The following AGMO variants were observed in gnomAD, a reference collection of about 807,000 sequenced individuals.
AGMO encodes the protein glyceryl-ether monooxygenase.
In AGMO, 75 loss-of-function variants were observed where a neutral mutation model predicts 60.2. The observed-to-expected ratio is 1.25, with a 90% CI of 1.03 to 1.51. The LOEUF is 1.51. AGMO is among the 40% of genes most tolerant of loss of function. The pLI, the probability that AGMO is intolerant of heterozygous loss-of-function variation, is 0.00. For missense variants in AGMO, 763 were observed against 525.5 expected, an observed-to-expected ratio of 1.45 and a Z score of -4.42; for synonymous variants, 261 against 177.1, an observed-to-expected ratio of 1.47 and a Z score of -3.76.
At chr7:15,206,945 C>T (rs1338407927) in intron 12 of AGMO, among the ~76,000 whole-genome samples, 2 of 152,096 alleles carry the variant, frequency 1.3e-5, no homozygotes, top group Admixed American at 1.3e-4. Flanking sequence ...TTAATTTACA[C>T]AACAAATGCA....
chr7:15,352,676 A>G (rs905944848), intron 12 of AGMO, among the ~76,000 whole-genome samples: 1 of 151,924 alleles, frequency 6.6e-6, no homozygotes, highest in African/African-American at 2.4e-5. Flanking sequence ...CAGCAAGCCC[A>G]TAATGAGTCC....
chr7:15,293,476 G>A lies in AGMO; in HGVS notation c.1263+72038C>T, dbSNP rs551763639. The stretch of plus-strand genomic sequence containing the variant: ...TTGCCTCCAGATGATCTCTGCATGC[G>A]TAATCCTAGTAAAGTTCAGATTACC... On this transcript the variant is annotated intron_variant, in intron 12 of 12. Transcript: ENST00000342526. Among the ~76,000 whole-genome samples, 41 of 152,156 alleles carry A rather than the reference G, an allele frequency of 2.7e-4. No individual in the cohort carries two copies. The South Asian group carries it at 7.1e-3, about 26-fold the overall frequency.
At chr7:15,130,403 C>T in the AGMO span, among the ~76,000 whole-genome samples, 1 of 152,026 alleles carries the variant, frequency 6.6e-6, no homozygotes, top group African/African-American at 2.4e-5. Context: ...CAGAACAAGA[C>T]ATTTTCTTGA....
the AGMO span, among the ~76,000 whole-genome samples, chr7:15,180,133 T>A: frequency 6.6e-6 from 1 of 152,288 alleles, no homozygotes; most frequent in South Asian, 2.1e-4. Flanking sequence ...TCCACAGTAA[T>A]CTCTTTAGCA....
chr7:15,285,443 G>GA (rs1784075253), intron 12 of AGMO, among the ~76,000 whole-genome samples: 1 of 151,936 alleles, frequency 6.6e-6, no homozygotes, highest in African/African-American at 2.4e-5. Context: ...ATCAATCTGA[G>GA]AATCAAATCA....
downstream of AGMO, among the ~76,000 whole-genome samples, chr7:15,196,310 A>AAGTGTTGGGATTACAGGTGT (rs1781113823): frequency 6.6e-6 from 1 of 152,168 alleles, no homozygotes; most frequent in Non-Finnish European, 1.5e-5. Flanking sequence ...TGGCCTCCCA[A>AAGTGTTGGGATTACAGGTGT]AGTGTTGGGA....
At chr7:15,204,135 A>C (rs775749054) in intron 12 of AGMO, among the ~76,000 whole-genome samples, 8 of 152,102 alleles carry the variant, frequency 5.3e-5, no homozygotes, top group Non-Finnish European at 1.0e-4. Flanking sequence ...TTAATTTTAC[A>C]CTTTAGAATA....
chr7:15,400,319 A>G (rs889336262), intron 5 of AGMO, among the ~76,000 whole-genome samples: 4 of 152,162 alleles, frequency 2.6e-5, no homozygotes, highest in South Asian at 4.1e-4. Context: ...TTTAGTTGTC[A>G]TAACTGGGAA....
At chr7:15,380,526 G>A (rs1224568956) in intron 10 of AGMO, among the ~76,000 whole-genome samples, 1 of 152,006 alleles carries the variant, frequency 6.6e-6, no homozygotes, top group East Asian at 1.9e-4. Context: ...ACAAACAACT[G>A]GAAAGCCATT....
rs1784103555 is a variant in AGMO, at chr7:15,390,747, G to A, written c.746C>T (p.Thr249Ile). Residue 249 changes from threonine to isoleucine, a missense_variant, in exon 8 of 13, where the codon ACA (threonine) becomes ATA (isoleucine). Coordinates refer to ENST00000342526, the MANE Select transcript of AGMO (RefSeq NM_001004320.2). ...VLIIWDKIFG[T>I]FEAENEKVVY... ...AACTTTTTCATTTTCTGCTTCAAAT[G>A]TCCCTGGAAGATAAATATAAAGATA... 5 of 1,607,104 alleles carry A rather than the reference G, an allele frequency of 3.1e-6. No homozygotes were observed. The highest frequency in any genetic ancestry group is 1.1e-5 in the South Asian group (1 of 90,472).
At chr7:15,475,333 C>T (rs1782564796) in intron 3 of AGMO, among the ~76,000 whole-genome samples, 1 of 152,054 alleles carries the variant, frequency 6.6e-6, no homozygotes. Flanking sequence ...AAATGTGGCA[C>T]ATATACACCA....
chr7:15,405,110 C>T (rs922724515), intron 5 of AGMO, among the ~76,000 whole-genome samples: 3 of 151,778 alleles, frequency 2.0e-5, no homozygotes, highest in Non-Finnish European at 4.4e-5. Flanking sequence ...AAAGCATATC[C>T]TTTCCCTTGT....
chr7:15,232,042 TG>T (rs1485607058), intron 12 of AGMO, among the ~76,000 whole-genome samples: 1 of 152,194 alleles, frequency 6.6e-6, no homozygotes, highest in Non-Finnish European at 1.5e-5. Flanking sequence ...GTCATATAAT[TG>T]TATCTGTTTT....
intron 12 of AGMO, among the ~76,000 whole-genome samples, chr7:15,339,057 T>C (rs1253166397): frequency 6.6e-6 from 1 of 152,208 alleles, no homozygotes; most frequent in Admixed American, 6.5e-5. Flanking sequence ...TCCAGGTTAC[T>C]GTAGTAGCGG....
At chr7:15,540,047 G>A (rs1784583930) in intron 3 of AGMO, among the ~76,000 whole-genome samples, 1 of 152,142 alleles carries the variant, frequency 6.6e-6, no homozygotes, top group Non-Finnish European at 1.5e-5. Flanking sequence ...CAGGTAAAGA[G>A]GAAGTGAACT....
chr7:15,312,870 T>C (rs1006696189), intron 12 of AGMO, among the ~76,000 whole-genome samples: 1 of 152,216 alleles, frequency 6.6e-6, no homozygotes, highest in African/African-American at 2.4e-5. Context: ...GGTTTTGCCA[T>C]GTTGCCCAGG....
chr7:15,425,986 TTAG>T (rs1189127053), intron 4 of AGMO, among the ~76,000 whole-genome samples: 2 of 152,212 alleles, frequency 1.3e-5, no homozygotes, highest in African/African-American at 4.8e-5. Context: ...TTGAAAGCAG[TTAG>T]CTCACTATTT....
At chr7:15,122,127 A>T in the AGMO span, among the ~76,000 whole-genome samples, 1 of 152,198 alleles carries the variant, frequency 6.6e-6, no homozygotes, top group Non-Finnish European at 1.5e-5. Context: ...GGCAACCTAC[A>T]GAATGGGAGA....
chr7:15,383,234 T>C (rs1254688579), intron 10 of AGMO, among the ~76,000 whole-genome samples: 2 of 152,166 alleles, frequency 1.3e-5, no homozygotes, highest in African/African-American at 2.4e-5. Context: ...CTTGCCACCA[T>C]GAAGGGTCAC....
Sources: gnomAD v4.1 joint callset for allele counts (sites outside exome capture counted in the v4.1 genomes callset) on GRCh38, gnomAD v4.1.1 for gene constraint, MANE v1.5 for transcripts, NCBI Gene and HGNC (gene_info 2026-07-23, HGNC 2026-07-21) for gene names.